TBC1D5: variants seen among roughly 807,000 people sequenced by gnomAD.
TBC1D5 encodes the protein TBC1 domain family, member 5.
TBC1D5 carries 75 observed loss-of-function variants against 100.3 expected under a neutral mutation model. The ratio of observed to expected loss-of-function variants is 0.75; its 90% CI spans 0.62 to 0.91. TBC1D5 has a LOEUF of 0.91. Among genes scored for constraint, TBC1D5 ranks in the 40% least tolerant of loss-of-function variants. The pLI, the probability that TBC1D5 is intolerant of heterozygous loss-of-function variation, is 0.00. For synonymous variants in TBC1D5, 323 were observed against 325.6 expected (o/e 0.99, Z 0.09); for missense variants, 910 against 942.4 (o/e 0.97, Z 0.45).
At chr3:17,357,539 G>A (rs902754407) in intron 13 of TBC1D5, among the ~76,000 whole-genome samples, 1 of 152,156 alleles carries the variant, frequency 6.6e-6, no homozygotes, top group Non-Finnish European at 1.5e-5. Context: ...GTTACTTATA[G>A]ATGGCTGAAG....
intron 2 of TBC1D5, among the ~76,000 whole-genome samples, chr3:17,550,395 G>C (rs542114738): frequency 6.6e-5 from 10 of 152,044 alleles, no homozygotes; most frequent in Non-Finnish European, 7.4e-5. Context: ...TATAATTTCA[G>C]TCTTCTACAT....
rs546444298 is a variant in TBC1D5, at chr3:17,327,975, C to A, written c.996-19841G>T. On this transcript the variant is annotated intron_variant, in intron 13 of 21. Transcript: ENST00000253692. ...CTAGAGTTGGATGTGACTTTAAAAA[C>A]CCTCTATTTCTTGCCAGGCATGGTG... Among the ~76,000 whole-genome samples the A allele has an allele frequency of 2.0e-4, 30 of 152,160 alleles. 1 individual carries two copies. Among genetic ancestry groups the A allele is most frequent in the African/African-American group, 7.0e-4 (29 of 41,514 alleles).
chr3:17,436,363 A>G (rs951618729), intron 3 of TBC1D5, among the ~76,000 whole-genome samples: 3 of 152,232 alleles, frequency 2.0e-5, no homozygotes, highest in Non-Finnish European at 1.5e-5. Context: ...TATCATTTTT[A>G]TTAACATTTT....
At chr3:17,233,749 G>A (rs1329192157) in intron 17 of TBC1D5, 8 of 1,536,178 alleles carry the variant, frequency 5.2e-6, no homozygotes, top group Middle Eastern at 3.4e-4. Context: ...TAACTACATC[G>A]CCTGGATTTC....
chr3:17,405,390 G>A (rs1196186434), intron 5 of TBC1D5, among the ~76,000 whole-genome samples: 1 of 151,992 alleles, frequency 6.6e-6, no homozygotes, highest in African/African-American at 2.4e-5. Context: ...GTGAACAACA[G>A]TCTCACTGAG....
intron 2 of TBC1D5, among the ~76,000 whole-genome samples, chr3:17,613,751 A>C (rs2061881348): frequency 6.6e-6 from 1 of 152,046 alleles, no homozygotes; most frequent in South Asian, 2.1e-4. Context: ...TTCTCTTGTA[A>C]ATTTGCTTAA....
intron 17 of TBC1D5, among the ~76,000 whole-genome samples, chr3:17,216,025 G>C (rs201776382): frequency 6.6e-6 from 1 of 152,082 alleles, no homozygotes; most frequent in East Asian, 1.9e-4. Context: ...GGAGGTAAAT[G>C]ATAAACCAAG....
In TBC1D5 at chr3:17,531,075, C is replaced by T. The variant is rs188681293; in HGVS notation, c.-35-22470G>A. On this transcript the variant is annotated intron_variant, in intron 2 of 21. Transcript: ENST00000253692. Reference sequence around the variant, plus strand: ...GTTTGCAGATGACATGATTGTATATCTAGAAAACCCCATCATCTCAGCCCA... The same window carrying T: ...GTTTGCAGATGACATGATTGTATATTTAGAAAACCCCATCATCTCAGCCCA... Among the ~76,000 whole-genome samples, 580 of 152,290 alleles carry T rather than the reference C, an allele frequency of 3.8e-3. 11 individuals carry two copies. The East Asian group carries it at 0.04, about 10-fold the overall frequency.
intron 16 of TBC1D5, among the ~76,000 whole-genome samples, chr3:17,256,023 G>A (rs1018023196): frequency 2.0e-5 from 3 of 152,136 alleles, no homozygotes; most frequent in Non-Finnish European, 4.4e-5. Flanking sequence ...GCGACAAAGC[G>A]AGACTCGGTC....
chr3:17,676,536 T>A (rs2068659715), intron 1 of TBC1D5, among the ~76,000 whole-genome samples: 1 of 152,230 alleles, frequency 6.6e-6, no homozygotes, highest in Admixed American at 6.5e-5. Context: ...TCCATGCTCT[T>A]GGATAGGAAG....
intron 3 of TBC1D5, among the ~76,000 whole-genome samples, chr3:17,461,139 T>G (rs11128833): frequency 0.091 from 13,883 of 152,180 alleles, 1,426 homozygotes; most frequent in African/African-American, 0.26. Context: ...GCACAGTATA[T>G]GACAAGTCAG....
chr3:17,286,800 G>A (rs1302955196), intron 15 of TBC1D5, among the ~76,000 whole-genome samples: 1 of 152,170 alleles, frequency 6.6e-6, no homozygotes, highest in Admixed American at 6.5e-5. Context: ...TGGAAAGGTG[G>A]TCTGAGGATG....
At chr3:17,166,901 G>T in exon 21 of TBC1D5, 2 of 1,610,326 alleles carry the variant, frequency 1.2e-6, no homozygotes, top group Admixed American at 1.7e-5. Context: ...TGGTTAAAAC[G>T]CAGGGAACCT....
chr3:17,279,832 G>T (rs2080386373), intron 15 of TBC1D5, among the ~76,000 whole-genome samples: 1 of 152,162 alleles, frequency 6.6e-6, no homozygotes, highest in African/African-American at 2.4e-5. Context: ...TTCCTAAGGT[G>T]CTTCTTTTGC....
At chr3:17,488,921 T>C (rs555653868) in intron 3 of TBC1D5, among the ~76,000 whole-genome samples, 2 of 149,656 alleles carry the variant, frequency 1.3e-5, no homozygotes, top group Non-Finnish European at 3.0e-5. Flanking sequence ...GAACTGCACA[T>C]ATGAGGGATC....
At chr3:17,445,020 A>T (rs1209755577) in intron 3 of TBC1D5, among the ~76,000 whole-genome samples, 1 of 152,160 alleles carries the variant, frequency 6.6e-6, no homozygotes, top group Non-Finnish European at 1.5e-5. Flanking sequence ...GAGCATCTGC[A>T]TTTTGTAACC....
At chr3:17,339,428 C>T (rs533152769) in intron 13 of TBC1D5, among the ~76,000 whole-genome samples, 7 of 152,266 alleles carry the variant, frequency 4.6e-5, no homozygotes, top group East Asian at 3.9e-4. Context: ...ACGTGGCATC[C>T]GGTCTGACTG....
intron 16 of TBC1D5, among the ~76,000 whole-genome samples, chr3:17,257,751 TA>T (rs2077852090): frequency 6.6e-6 from 1 of 152,208 alleles, no homozygotes; most frequent in South Asian, 2.1e-4. Flanking sequence ...ATGTATTCCA[TA>T]AATGTATATT....
chr3:17,737,676 T>C (rs989274406), intron 1 of TBC1D5, among the ~76,000 whole-genome samples: 1 of 152,092 alleles, frequency 6.6e-6, no homozygotes, highest in African/African-American at 2.4e-5. Context: ...ATTACATCAT[T>C]CCATTTTAAA....
Sources: gnomAD v4.1 joint callset for allele counts (sites outside exome capture counted in the v4.1 genomes callset) on GRCh38, gnomAD v4.1.1 for gene constraint, MANE v1.5 for transcripts, NCBI Gene and HGNC (gene_info 2026-07-23, HGNC 2026-07-21) for gene names.